The following PSMD14 variants were observed in gnomAD, a reference collection of about 807,000 sequenced individuals.
The protein encoded by PSMD14 is proteasome 26S subunit, non-ATPase 14.
A neutral mutation model predicts 41.2 loss-of-function variants in PSMD14; 7 were observed. The ratio of observed to expected loss-of-function variants is 0.17; its 90% CI spans 0.10 to 0.32. The LOEUF (loss-of-function observed/expected upper bound fraction) is 0.32. PSMD14 is among the 10% of genes least tolerant of loss of function. The probability of loss-of-function intolerance (pLI) is 1.00; values close to 1 mark genes in which losing one functional copy is unlikely to be tolerated. For missense variants in PSMD14, 139 were observed against 375.6 expected (o/e 0.37, Z 5.21); for synonymous variants, 114 against 122.3 (o/e 0.93, Z 0.45).
chr2:161,345,927 T>A (rs1395842121), intron 3 of PSMD14, among the ~76,000 whole-genome samples: 2 of 152,192 alleles, frequency 1.3e-5, no homozygotes, highest in Non-Finnish European at 2.9e-5. Flanking sequence ...GCCTCACTTC[T>A]GTCACCCAGG....
At chr2:161,372,720 G>T (rs1648171123) in intron 7 of PSMD14, among the ~76,000 whole-genome samples, 1 of 151,818 alleles carries the variant, frequency 6.6e-6, no homozygotes, top group Admixed American at 6.6e-5. Flanking sequence ...AATTATATTT[G>T]ATGCCTCTTA....
chr2:161,395,765 A>C (rs1184293961), intron 10 of PSMD14, among the ~76,000 whole-genome samples: 1 of 152,242 alleles, frequency 6.6e-6, no homozygotes, highest in Non-Finnish European at 1.5e-5. Context: ...TATATTAACA[A>C]ATATTTATTG....
intron 3 of PSMD14, among the ~76,000 whole-genome samples, chr2:161,336,986 TAC>T (rs1234008707): frequency 6.6e-5 from 10 of 152,364 alleles, no homozygotes; most frequent in Admixed American, 1.3e-4. Flanking sequence ...TTCAAAAATT[TAC>T]ACTTTCATAT....
At chr2:161,369,008 T>C (rs963163211) in intron 5 of PSMD14, among the ~76,000 whole-genome samples, 2 of 151,976 alleles carry the variant, frequency 1.3e-5, no homozygotes, top group Admixed American at 6.6e-5. Flanking sequence ...TTTATACATT[T>C]GGAAATAGAG....
rs377512708 is a variant in PSMD14, at chr2:161,331,323, T to C, written c.48+12450T>C. Among the ~76,000 whole-genome samples the C allele has an allele frequency of 2.1e-4, 32 of 151,878 alleles. 2 individuals are homozygous for C. The South Asian group carries it at 6.7e-3, about 32-fold the overall frequency. On this transcript the variant is annotated intron_variant, in intron 3 of 11. Transcript: ENST00000409682. ...TGTTGCTCGGGCTAGAGTGCGGTGG[T>C]GCGATCTCGGCTCAGTGCAACCTCC...
rs1559052969 is a variant in PSMD14, at chr2:161,389,893, T to TTTTTTTTTTTTTTTTTTTTTG, written c.571-1192_571-1191insTGTTTTTTTTTTTTTTTTTTT. On this transcript the variant is annotated intron_variant, in intron 8 of 11. Transcript: ENST00000409682. ...TTATTTTCTTTCTTTTTTGTTGTTT[T>TTTTTTTTTTTTTTTTTTTTTG]TTTTTTTTTTTTTTTTTTTAGAGAT... is the stretch of plus-strand genomic sequence containing the variant. Among the ~76,000 whole-genome samples, 4 of 100,936 alleles carry TTTTTTTTTTTTTTTTTTTTTG rather than the reference T, an allele frequency of 4.0e-5. 2 individuals carry two copies. Among genetic ancestry groups the TTTTTTTTTTTTTTTTTTTTTG allele is most frequent in the African/African-American group, 1.5e-4 (4 of 27,134 alleles). 66.2% of individuals were successfully genotyped at this position (100,936 alleles called of 152,430 possible). A position where few individuals can be genotyped will look rare whatever the true frequency, so the allele number is the denominator to read the frequency against.
chr2:161,315,298 C>T (rs1326769084), intron 1 of PSMD14, among the ~76,000 whole-genome samples: 1 of 152,188 alleles, frequency 6.6e-6, no homozygotes, highest in Non-Finnish European at 1.5e-5. Context: ...ATCAGTAGTA[C>T]TGAAGTTAGT....
intron 1 of PSMD14, among the ~76,000 whole-genome samples, chr2:161,308,984 C>G (rs551060481): frequency 6.6e-6 from 1 of 152,130 alleles, no homozygotes; most frequent in African/African-American, 2.4e-5. Context: ...ATTAACTTTC[C>G]CATTGAATAC....
chr2:161,327,026 T>C (rs909632554), intron 3 of PSMD14, among the ~76,000 whole-genome samples: 2 of 152,176 alleles, frequency 1.3e-5, no homozygotes, highest in South Asian at 4.1e-4. Context: ...CAATGGAATA[T>C]TATTAAACTT....
At chr2:161,371,361 A>G (rs1683431627) in intron 7 of PSMD14, 39 bp downstream of exon 7, 1 of 1,569,704 alleles carries the variant, frequency 6.4e-7, no homozygotes, top group African/African-American at 1.3e-5. Flanking sequence ...CTACTGCCAC[A>G]TTCTGTTTAC....
intron 1 of PSMD14, among the ~76,000 whole-genome samples, chr2:161,308,968 A>G (rs1689057252): frequency 6.6e-6 from 1 of 152,164 alleles, no homozygotes; most frequent in African/African-American, 2.4e-5. Context: ...AGGGAGAGAG[A>G]GTAGAATTAA....
At chr2:161,344,501 G>A (rs1683013324) in intron 3 of PSMD14, among the ~76,000 whole-genome samples, 1 of 152,190 alleles carries the variant, frequency 6.6e-6, no homozygotes. Context: ...GAAGGAGGGG[G>A]CACAAATATT....
At chr2:161,379,147 C>CTA (rs1683541991) in intron 7 of PSMD14, among the ~76,000 whole-genome samples, 1 of 151,884 alleles carries the variant, frequency 6.6e-6, no homozygotes, top group Non-Finnish European at 1.5e-5. Flanking sequence ...AACAGGCAAA[C>CTA]GAGTTGTTTT....
intron 3 of PSMD14, chr2:161,341,284 C>T: frequency 9.8e-7 from 1 of 1,019,208 alleles, no homozygotes; most frequent in Non-Finnish European, 1.2e-6. Flanking sequence ...AGCGCGGTGG[C>T]CAGCGCAGGC....
chr2:161,371,331 G>T lies in PSMD14; in HGVS notation c.462+9G>T. On this transcript the variant is annotated intron_variant, in intron 7 of 11. Transcript: ENST00000409682. ...AGAGTGTAAAAGGAAAGGTAGAGTA[G>T]ATTCTATCTTTATTGCCATCTACTG... 1 of 1,602,062 alleles carries T rather than the reference G, an allele frequency of 6.2e-7. No individual in the cohort carries two copies. The highest frequency in any genetic ancestry group is 8.5e-7 in the Non-Finnish European group (1 of 1,173,196).
intron 3 of PSMD14, among the ~76,000 whole-genome samples, chr2:161,336,282 T>C (rs1682868121): frequency 6.6e-6 from 1 of 152,206 alleles, no homozygotes; most frequent in South Asian, 2.1e-4. Flanking sequence ...GCCTTGCCTG[T>C]CAGCTGATAG....
intron 8 of PSMD14, among the ~76,000 whole-genome samples, chr2:161,390,083 T>C (rs541861702): frequency 6.6e-6 from 1 of 151,576 alleles, no homozygotes; most frequent in Non-Finnish European, 1.5e-5. Flanking sequence ...TACCTTACAG[T>C]ACTATGAAGA....
intron 9 of PSMD14, among the ~76,000 whole-genome samples, 188 bp from the exon 10 acceptor site, chr2:161,394,890 G>C (rs1683769972): frequency 6.6e-6 from 1 of 152,038 alleles, no homozygotes; most frequent in Admixed American, 6.6e-5. Flanking sequence ...CAAAGGCCTT[G>C]GTGTTGGAGT....
chr2:161,341,543 A>G (rs965011753), intron 3 of PSMD14, among the ~76,000 whole-genome samples: 2 of 151,660 alleles, frequency 1.3e-5, no homozygotes, highest in Admixed American at 6.6e-5. Flanking sequence ...TGATAGTTTA[A>G]TTTATAAAAA....
Sources: gnomAD v4.1 joint callset for allele counts (sites outside exome capture counted in the v4.1 genomes callset) on GRCh38, gnomAD v4.1.1 for gene constraint, MANE v1.5 for transcripts, NCBI Gene and HGNC (gene_info 2026-07-23, HGNC 2026-07-21) for gene names.